The following MS4A6A variants were observed in gnomAD, a reference collection of about 807,000 sequenced individuals.
MS4A6A encodes the protein membrane-spanning 4-domains subfamily A member 6A.
A neutral mutation model predicts 20.6 loss-of-function variants in MS4A6A; 19 were observed. The ratio of observed to expected loss-of-function variants is 0.92; its 90% CI spans 0.64 to 1.36. The LOEUF (loss-of-function observed/expected upper bound fraction) is 1.36. Ranked by LOEUF, MS4A6A falls within the 40% of genes most tolerant of loss-of-function variation. MS4A6A has a pLI of 0.00. For synonymous variants in MS4A6A, 108 were observed against 105.0 expected (o/e 1.03, Z -0.17); for missense variants, 272 against 261.1 (o/e 1.04, Z -0.29).
chr11:60,180,080 A>T, intron 2 of MS4A6A, 115 bp from the exon 3 acceptor site: 2 of 1,045,860 alleles, frequency 1.9e-6, no homozygotes, highest in Non-Finnish European at 2.8e-6. Context: ...CCTAATGAGG[A>T]TACAAACCCT....
chr11:60,172,170 T>C, downstream of MS4A6A: 1 of 1,612,476 alleles, frequency 6.2e-7, no homozygotes, highest in Admixed American at 1.7e-5. Context: ...AAGAAGTCAA[T>C]AGTTCTTCAT....
At chr11:60,177,448 T>C (rs1341306771) in intron 4 of MS4A6A, 1 of 152,176 alleles carries the variant, frequency 6.6e-6, no homozygotes, top group Non-Finnish European at 1.5e-5. Flanking sequence ...GAAGACTTAA[T>C]GAAACTTTAA....
intron 2 of MS4A6A, chr11:60,180,981 T>A (rs1246208512): frequency 1.1e-5 from 5 of 447,258 alleles, no homozygotes; most frequent in Middle Eastern, 7.1e-4. Flanking sequence ...TCACCTCAGA[T>A]CACATAAGTG....
At chr11:60,178,627 T>C (rs1856971769) in intron 3 of MS4A6A, among the ~76,000 whole-genome samples, 1 of 152,150 alleles carries the variant, frequency 6.6e-6, no homozygotes, top group Non-Finnish European at 1.5e-5. Context: ...GTGTAAGATG[T>C]TCTCTAGGGA....
downstream of MS4A6A, chr11:60,172,150 C>T (rs774422341): frequency 1.2e-6 from 2 of 1,606,070 alleles, no homozygotes; most frequent in Non-Finnish European, 8.5e-7. Context: ...ATATTTCTCC[C>T]TTTTTTCTTA....
intron 3 of MS4A6A, chr11:60,178,711 C>A: frequency 2.7e-6 from 1 of 369,068 alleles, no homozygotes; most frequent in East Asian, 8.9e-5. Context: ...ACTACCCCAA[C>A]CACATAATCA....
intron 2 of MS4A6A, 110 bp downstream of exon 2, chr11:60,181,471 A>G (rs1403809788): frequency 1.4e-6 from 2 of 1,393,996 alleles, no homozygotes; most frequent in African/African-American, 2.9e-5. Context: ...AAGTCCCTCT[A>G]GCAAAATTTT....
rs1180511245 is a variant in MS4A6A at position 60,172,581 on chromosome 11, C to T, written c.*420G>A. 3.5e-6 allele frequency: 4 copies of T among 1,127,940 alleles called. No homozygotes were observed. In the African/African-American group the frequency reaches 4.8e-5, roughly 13 times the overall value. 69.9% of individuals were successfully genotyped at this position (1,127,940 alleles called of 1,614,324 possible). The stretch of plus-strand genomic sequence containing the variant: ...CCAGGGGCAAATGCAGAGCATAAGA[C>T]ATTCACTGGATCCAGTTACGTGTGT... On this transcript the variant is annotated 3_prime_UTR_variant, in exon 6 of 6. Transcript: ENST00000528851.
intron 3 of MS4A6A, among the ~76,000 whole-genome samples, chr11:60,179,078 A>G (rs1267442439): frequency 6.6e-6 from 1 of 152,248 alleles, no homozygotes; most frequent in Non-Finnish European, 1.5e-5. Context: ...AACTTTAGTT[A>G]ATAAGACAAG....
chr11:60,181,776 G>C (rs1407376625), intron 1 of MS4A6A, 35 bp from the exon 2 acceptor site: 1 of 1,604,494 alleles, frequency 6.2e-7, no homozygotes, highest in Non-Finnish European at 8.5e-7. Flanking sequence ...CTCTTAAAAA[G>C]TACAGAGCTC....
downstream of MS4A6A, chr11:60,172,356 C>A: frequency 6.7e-7 from 1 of 1,500,566 alleles, no homozygotes; most frequent in Non-Finnish European, 8.9e-7. Context: ...CTTAGCTAAT[C>A]CAAGATAAGT....
chr11:60,178,106 A>C, intron 4 of MS4A6A, 154 bp downstream of exon 4: 1 of 688,172 alleles, frequency 1.5e-6, no homozygotes, highest in Non-Finnish European at 2.6e-6. Context: ...GAACAAGGAT[A>C]CAGAGGATCC....
rs1857017897 is a variant in MS4A6A, at chr11:60,179,536, T to C, written c.282+295A>G. 2.0e-5 allele frequency: 12 copies of C among 593,354 alleles called. No individual in the cohort carries two copies. In the South Asian group the frequency reaches 2.3e-4, roughly 11 times the overall value. 36.8% of individuals were successfully genotyped at this position (593,354 alleles called of 1,614,324 possible). A position where few individuals can be genotyped will look rare whatever the true frequency, so the allele number is the denominator to read the frequency against. On this transcript the variant is annotated intron_variant, in intron 3 of 5. Transcript: ENST00000528851. ...TGTTCCTTCCCAACTTTATCCTAAT[T>C]CATGGATTTTTTTTTCGCCTAAACC...
In MS4A6A at chr11:60,179,553, G is replaced by C. The variant is rs536624604; in HGVS notation, c.282+278C>G. The C allele has an allele frequency of 3.6e-5, 18 of 493,402 alleles. No homozygotes were observed. The South Asian group carries it at 5.6e-4, about 15-fold the overall frequency. The allele number at this position is 493,402 out of a possible 1,614,324, so 30.6% of individuals were successfully genotyped here. On this transcript the variant is annotated intron_variant, in intron 3 of 5. Transcript: ENST00000528851. The stretch of plus-strand genomic sequence containing the variant: ...ATCCTAATTCATGGATTTTTTTTTC[G>C]CCTAAACCTGGAGAGAAGTCACTAG...
At chr11:60,177,109 G>A (rs1856881327) in intron 4 of MS4A6A, 1 of 152,162 alleles carries the variant, frequency 6.6e-6, no homozygotes, top group African/African-American at 2.4e-5. Context: ...CAGTACAGCT[G>A]TAGTGCATTT....
intron 3 of MS4A6A, chr11:60,178,891 C>A: frequency 2.4e-6 from 1 of 415,492 alleles, no homozygotes; most frequent in African/African-American, 2.1e-5. Flanking sequence ...AAAATCTCAG[C>A]CAGCGCTACC....
At chr11:60,175,983 G>A (rs1273749734) in intron 4 of MS4A6A, among the ~76,000 whole-genome samples, 1 of 152,128 alleles carries the variant, frequency 6.6e-6, no homozygotes, top group African/African-American at 2.4e-5. Flanking sequence ...TTTCTCTCTC[G>A]CTCAACTCAA....
chr11:60,175,342 A>G (rs7935829), intron 5 of MS4A6A, 60 bp downstream of exon 5: 529,983 of 1,375,218 alleles, frequency 0.39, 105,841 homozygotes, highest in South Asian at 0.5. Context: ...AAGGAATAAC[A>G]AGAAATCAAG....
chr11:60,183,816 T>C (rs985524784), upstream of MS4A6A: 2 of 152,306 alleles, frequency 1.3e-5, no homozygotes, highest in Non-Finnish European at 2.9e-5. Context: ...AGCATTGAAA[T>C]ATTGAAACAG....
Sources: gnomAD v4.1 joint callset for allele counts (sites outside exome capture counted in the v4.1 genomes callset) on GRCh38, gnomAD v4.1.1 for gene constraint, MANE v1.5 for transcripts, NCBI Gene and HGNC (gene_info 2026-07-23, HGNC 2026-07-21) for gene names.